JAKMIP3: variants seen among roughly 807,000 people sequenced by gnomAD.
JAKMIP3 encodes the protein janus kinase and microtubule-interacting protein 3.
In JAKMIP3, 58 loss-of-function variants were observed where a neutral mutation model predicts 118.5. The ratio of observed to expected loss-of-function variants is 0.49; its 90% confidence interval spans 0.40 to 0.61. The LOEUF (loss-of-function observed/expected upper bound fraction) is 0.61. Ranked by LOEUF, JAKMIP3 falls within the 20% of genes least tolerant of loss-of-function variation. The probability of loss-of-function intolerance (pLI) is 0.00; values close to 1 mark genes in which losing one functional copy is unlikely to be tolerated. For missense variants in JAKMIP3, 950 were observed against 1,109.0 expected (o/e 0.86, Z 2.04); for synonymous variants, 486 against 451.2 (o/e 1.08, Z -0.98).
At chr10:132,097,963 T>TCC (rs1477553564) in intron 1 of JAKMIP3, among the ~76,000 whole-genome samples, 1 of 35,984 alleles carries the variant, frequency 2.8e-5, no homozygotes, top group Non-Finnish European at 6.4e-5. Context: ...CCCTTTCCCT[T>TCC]TCCTTCCTTT....
chr10:132,058,193 T>A (rs1423199123), intron 1 of JAKMIP3, among the ~76,000 whole-genome samples: 1 of 152,230 alleles, frequency 6.6e-6, no homozygotes, highest in Non-Finnish European at 1.5e-5. Flanking sequence ...TCCCATGGAT[T>A]CGGCAGTGAC....
At chr10:132,162,315 C>T (rs1016685004) in intron 19 of JAKMIP3, among the ~76,000 whole-genome samples, 2 of 152,244 alleles carry the variant, frequency 1.3e-5, no homozygotes, top group African/African-American at 4.8e-5. Flanking sequence ...CACGGAGGTC[C>T]TGATGAGCAC....
chr10:132,110,670 T>C (rs2379232), intron 2 of JAKMIP3, among the ~76,000 whole-genome samples: 100,572 of 152,190 alleles, frequency 0.66, 33,743 homozygotes, highest in East Asian at 0.9. Flanking sequence ...AATCGATCAC[T>C]GAGGAAGACT....
rs1301355291 is a variant in JAKMIP3 at position 132,166,170 on chromosome 10, T to G, written c.2491-813T>G. ...GAGACCCTGTCTCTAGAAAAAAATT[T>G]TAAAACATAGCTGGACATGGTGGCA... On this transcript the variant is annotated intron_variant, in intron 21 of 23. Transcript: ENST00000684848. Among the ~76,000 whole-genome samples, 6 of 152,054 alleles carry G rather than the reference T, an allele frequency of 3.9e-5. No individual in the cohort carries two copies. The East Asian group carries it at 1.2e-3, about 29-fold the overall frequency.
At chr10:132,050,669 G>A (rs971110463) in intron 1 of JAKMIP3, among the ~76,000 whole-genome samples, 1 of 152,150 alleles carries the variant, frequency 6.6e-6, no homozygotes, top group Non-Finnish European at 1.5e-5. Context: ...GCCTACATTA[G>A]CTTCCACCCT....
intron 23 of JAKMIP3, among the ~76,000 whole-genome samples, chr10:132,171,334 T>C (rs1228059950): frequency 6.6e-6 from 1 of 152,160 alleles, no homozygotes; most frequent in South Asian, 2.1e-4. Context: ...TAGTCCCCAC[T>C]CCCAGCCCTG....
rs529246505 is a variant in JAKMIP3 at position 132,181,079 on chromosome 10, AGT to A, written c.*1104-1266_*1104-1265del. On this transcript the variant is annotated intron_variant, in intron 23 of 23. Transcript: ENST00000684848. ...GTGCATTGTGTGTACGTGCACATGT[AGT>A]GTGTGTGTGTGAGTGGTATGTTGCG... 3.3e-5 allele frequency: 5 copies of A among 150,334 alleles called. No homozygotes were observed. In the East Asian group the frequency reaches 6.0e-4, roughly 18 times the overall value. The allele number at this position is 150,334 out of a possible 1,614,324, so 9.3% of individuals were successfully genotyped here.
intron 2 of JAKMIP3, among the ~76,000 whole-genome samples, chr10:132,113,433 G>A (rs2047164613): frequency 6.6e-6 from 1 of 152,222 alleles, no homozygotes; most frequent in Non-Finnish European, 1.5e-5. Flanking sequence ...CAGATACACA[G>A]GGTGTTGGTT....
intron 3 of JAKMIP3, among the ~76,000 whole-genome samples, chr10:132,123,993 T>C (rs769977547): frequency 3.9e-5 from 6 of 152,236 alleles, no homozygotes; most frequent in Non-Finnish European, 7.3e-5. Context: ...AGGGCGTGGC[T>C]GTGCCCACAG....
chr10:132,169,522 T>C (rs958377416), intron 23 of JAKMIP3, among the ~76,000 whole-genome samples: 2 of 152,058 alleles, frequency 1.3e-5, no homozygotes, highest in African/African-American at 4.8e-5. Flanking sequence ...ACCGTGGAGC[T>C]TTCCTCGCCA....
Position 132,150,003 on chromosome 10 carries a change from A to G in JAKMIP3, c.1969A>G (p.Met657Val). Reference protein sequence around the residue: ...GVTDIVVAELMKKLDILGDNA... With the variant: ...GVTDIVVAELVKKLDILGDNA... ...TTAGGACATTGTGGTTGCGGAGCTG[A>G]TGAAGAAGCTGGACATCCTGGGCGA... The change falls in exon 16 of 24, where the codon ATG becomes GTG. Residue 657 changes from methionine (M) to valine (V), a missense_variant. Physicochemically the swap from Met to Val is conservative, Grantham distance 21. Transcript: ENST00000684848. 5 of 1,571,658 alleles carry G rather than the reference A, an allele frequency of 3.2e-6. No individual in the cohort carries two copies. Among genetic ancestry groups the G allele is most frequent in the Non-Finnish European group, 4.3e-6 (5 of 1,162,470 alleles).
chr10:132,168,480 C>A lies in JAKMIP3; in HGVS notation c.*550C>A. On this transcript the variant is annotated 3_prime_UTR_variant, in exon 23 of 24. Coordinates refer to ENST00000684848, the MANE Select transcript of JAKMIP3 (RefSeq NM_001323087.2). The stretch of plus-strand genomic sequence containing the variant: ...GTCCTGGGAGGGCTCCCCGACGCCT[C>A]AGGGGCCCCTCCGATGCTGCAATAT... 9.5e-7 allele frequency: 1 copy of A among 1,049,186 alleles called. No individual in the cohort carries two copies. Among genetic ancestry groups the A allele is most frequent in the Non-Finnish European group, 1.3e-6 (1 of 791,902 alleles). The allele number at this position is 1,049,186 out of a possible 1,614,324, so 65.0% of individuals were successfully genotyped here. A position where few individuals can be genotyped will look rare whatever the true frequency, so the allele number is the denominator to read the frequency against.
intron 2 of JAKMIP3, among the ~76,000 whole-genome samples, chr10:132,109,095 T>C (rs866828972): frequency 2.8e-5 from 4 of 143,982 alleles, no homozygotes; most frequent in Non-Finnish European, 4.5e-5. Flanking sequence ...TACACACACA[T>C]ATATATATAC....
In JAKMIP3 at chr10:132,097,906, C is replaced by CCCTTT. The variant is rs2044149780; in HGVS notation, c.-137-6762_-137-6761insTCCTT. Among the ~76,000 whole-genome samples, 8 of 71,070 alleles carry CCCTTT rather than the reference C, an allele frequency of 1.1e-4. 2 individuals carry two copies. Among genetic ancestry groups the CCCTTT allele is most frequent in the Non-Finnish European group, 1.9e-4 (6 of 32,062 alleles). 46.6% of individuals were successfully genotyped at this position (71,070 alleles called of 152,430 possible). A position where few individuals can be genotyped will look rare whatever the true frequency, so the allele number is the denominator to read the frequency against. On this transcript the variant is annotated intron_variant, in intron 1 of 23. Transcript: ENST00000684848. ...TTTTCTTCCCTTCCCCTTCCCCTTC[C>CCCTTT]CCTTCCCCTTCCCCTTTCCTTCCCC...
chr10:132,040,522 A>T (rs2037706424), intron 1 of JAKMIP3, among the ~76,000 whole-genome samples: 1 of 152,144 alleles, frequency 6.6e-6, no homozygotes, highest in Admixed American at 6.5e-5. Flanking sequence ...CCTGCTTTTT[A>T]AAAATGTCAT....
chr10:132,094,348 A>G lies in JAKMIP3; in HGVS notation c.-137-10324A>G, dbSNP rs182590419. Among the ~76,000 whole-genome samples, 112 of 152,086 alleles carry G rather than the reference A, an allele frequency of 7.4e-4. No homozygotes were observed. The Middle Eastern group carries it at 0.01, about 14-fold the overall frequency. ...TTAAAGAGCCTTGTTTTGTCATATT[A>G]CCAGAGTTGGTTTTCTGGTTCCCTC... On this transcript the variant is annotated intron_variant, in intron 1 of 23. Transcript: ENST00000684848.
chr10:132,111,287 G>A lies in JAKMIP3; in HGVS notation c.136-5790G>A, dbSNP rs1366941499. Reference sequence around the variant, plus strand: ...ACAGGGGCCGAGGCAAGGGGTGGCAGAGCCAGCAGACGCAGTGAGTAGTGC... The same window carrying A: ...ACAGGGGCCGAGGCAAGGGGTGGCAAAGCCAGCAGACGCAGTGAGTAGTGC... On this transcript the variant is annotated intron_variant, in intron 2 of 23. Transcript: ENST00000684848. Among the ~76,000 whole-genome samples the A allele has an allele frequency of 2.6e-5, 4 of 152,198 alleles. No individual in the cohort carries two copies. In the South Asian group the frequency reaches 8.3e-4, roughly 32 times the overall value.
At chr10:132,154,778 A>G (rs2056797385) in intron 19 of JAKMIP3, among the ~76,000 whole-genome samples, 1 of 151,776 alleles carries the variant, frequency 6.6e-6, no homozygotes, top group Non-Finnish European at 1.5e-5. Flanking sequence ...GATAGTGATG[A>G]TAATGGTGAT....
chr10:132,167,122 T>G (rs1265955002), intron 22 of JAKMIP3, 67 bp downstream of exon 22: 4 of 1,126,240 alleles, frequency 3.6e-6, no homozygotes, highest in Non-Finnish European at 5.2e-6. Flanking sequence ...CCTCTGCCCC[T>G]GCCCTGCCAG....
Sources: allele counts gnomAD v4.1 joint callset (sites outside exome capture counted in the v4.1 genomes callset), GRCh38; gene constraint gnomAD v4.1.1; transcripts MANE v1.5; gene names NCBI Gene and HGNC (gene_info 2026-07-23, HGNC 2026-07-21).